PIEZO2: variants seen among roughly 807,000 people sequenced by gnomAD.
PIEZO2 encodes the protein piezo type mechanosensitive ion channel component 2.
PIEZO2 carries 172 observed loss-of-function variants against 337.3 expected under a neutral mutation model. That is an observed-to-expected ratio of 0.51 (90% CI 0.45 to 0.58). The LOEUF (loss-of-function observed/expected upper bound fraction) is 0.58. Among genes scored for constraint, PIEZO2 ranks in the 20% least tolerant of loss-of-function variants. The pLI, the probability that PIEZO2 is intolerant of heterozygous loss-of-function variation, is 0.00. For missense variants in PIEZO2, 3,028 were observed against 3,391.3 expected (o/e 0.89, Z 2.66); for synonymous variants, 1,251 against 1,228.5 (o/e 1.02, Z -0.38).
Position 11,125,498 on chromosome 18 carries a change from A to G in PIEZO2, c.64+23027T>C, listed in dbSNP as rs1024254236. On this transcript the variant is annotated intron_variant, in intron 1 of 55. Transcript: ENST00000674853. The surrounding 1 kb of genome is among the most constrained non-coding windows in gnomAD (Gnocchi z 4.4). Reference sequence around the variant, plus strand: ...GCTGACAAAACACGTGTTTAGTGCTAAGAGTCCAGCACACTTCATTACGTT... The same window carrying G: ...GCTGACAAAACACGTGTTTAGTGCTGAGAGTCCAGCACACTTCATTACGTT... Among the ~76,000 whole-genome samples, 5 of 152,204 alleles carry G rather than the reference A, an allele frequency of 3.3e-5. No individual in the cohort carries two copies. The highest frequency in any genetic ancestry group is 5.9e-5 in the Non-Finnish European group (4 of 68,036).
intron 7 of PIEZO2, among the ~76,000 whole-genome samples, chr18:10,839,751 C>T (rs2041133560): frequency 6.6e-6 from 1 of 150,818 alleles, no homozygotes. Flanking sequence ...AAAGATAAGC[C>T]TGTGAATTAT....
chr18:10,722,898 G>GA (rs1239899368), intron 36 of PIEZO2, among the ~76,000 whole-genome samples: 1 of 150,360 alleles, frequency 6.7e-6, no homozygotes, highest in South Asian at 2.1e-4. Flanking sequence ...GAGAACTGGA[G>GA]AACTAAGTTC....
At chr18:11,059,940 T>A (rs975310405) in intron 2 of PIEZO2, among the ~76,000 whole-genome samples, 2 of 152,114 alleles carry the variant, frequency 1.3e-5, no homozygotes, top group African/African-American at 4.8e-5. Flanking sequence ...CCACCCCAAA[T>A]CAACAGAATA....
intron 3 of PIEZO2, among the ~76,000 whole-genome samples, chr18:10,959,692 GT>G (rs371037404): frequency 7.6e-4 from 115 of 152,226 alleles, no homozygotes; most frequent in African/African-American, 2.6e-3. Flanking sequence ...GGAACAGTGA[GT>G]TGTCCAAGGG....
At chr18:10,983,867 T>C (rs564736833) in intron 2 of PIEZO2, among the ~76,000 whole-genome samples, 10 of 152,306 alleles carry the variant, frequency 6.6e-5, no homozygotes, top group African/African-American at 2.2e-4. Context: ...CAACGTTCAG[T>C]ACTTCAGGGC....
At chr18:10,986,599 A>T (rs1456008526) in intron 2 of PIEZO2, among the ~76,000 whole-genome samples, 4 of 152,008 alleles carry the variant, frequency 2.6e-5, no homozygotes, top group Non-Finnish European at 5.9e-5. Context: ...ACCATATATT[A>T]TAATACCACA....
At chr18:10,890,345 T>C (rs143997906) in intron 4 of PIEZO2, 57 of 152,322 alleles carry the variant, frequency 3.7e-4, no homozygotes, top group African/African-American at 1.3e-3. Flanking sequence ...CCATGAAATA[T>C]AGCATTTGCC....
intron 3 of PIEZO2, among the ~76,000 whole-genome samples, chr18:10,944,874 G>A (rs2032935326): frequency 6.6e-6 from 1 of 152,000 alleles, no homozygotes; most frequent in Admixed American, 6.6e-5. Context: ...AAAGACAGTG[G>A]TTCCTAAGGG....
intron 49 of PIEZO2, among the ~76,000 whole-genome samples, chr18:10,684,644 T>C (rs1310849852): frequency 6.6e-6 from 1 of 151,922 alleles, no homozygotes; most frequent in Admixed American, 6.6e-5. Flanking sequence ...TTTTATATTT[T>C]TAGTAGTGAC....
At chr18:10,735,700 A>G (rs2036968777) in intron 34 of PIEZO2, among the ~76,000 whole-genome samples, 1 of 152,166 alleles carries the variant, frequency 6.6e-6, no homozygotes, top group Non-Finnish European at 1.5e-5. Flanking sequence ...GCAATGGGGG[A>G]AGAAAGAAAG....
intron 3 of PIEZO2, among the ~76,000 whole-genome samples, chr18:10,916,349 TA>T (rs1242412625): frequency 4.6e-5 from 7 of 152,054 alleles, no homozygotes. Context: ...GCGGCGCCTG[TA>T]GGGGAGGCTC....
chr18:10,791,439 T>C, intron 13 of PIEZO2, 115 bp from the exon 14 acceptor site: 1 of 1,199,282 alleles, frequency 8.3e-7, no homozygotes, highest in Non-Finnish European at 1.1e-6. Flanking sequence ...ATAAACCTTT[T>C]TATTGGAGAC....
In PIEZO2 at chr18:10,991,990, G is replaced by C. The variant is rs150046136; in HGVS notation, c.161-12330C>G. ...TTTCTCTAATGTCCAGTGATGATGA[G>C]CTTTTTTTCATATGTTCATTAGATG... is the stretch of plus-strand genomic sequence containing the variant. On this transcript the variant is annotated intron_variant, in intron 2 of 55. Coordinates refer to ENST00000674853, the MANE Select transcript of PIEZO2 (RefSeq NM_001378183.1). Among the ~76,000 whole-genome samples the C allele has an allele frequency of 4.9e-3, 748 of 152,236 alleles. 6 individuals are homozygous for C. Among genetic ancestry groups the C allele is most frequent in the African/African-American group, 0.015 (641 of 41,544 alleles).
At chr18:11,015,926 C>T (rs1033626004) in intron 2 of PIEZO2, among the ~76,000 whole-genome samples, 5 of 152,138 alleles carry the variant, frequency 3.3e-5, no homozygotes, top group African/African-American at 1.2e-4. Context: ...ACTTTCTAAA[C>T]GTTTTTGTAA....
Position 10,705,384 on chromosome 18 carries a change from A to G in PIEZO2, c.5951T>C (p.Leu1984Ser). Residue 1984 changes from leucine to serine, a missense_variant, in exon 41 of 56, where the codon TTA (leucine) becomes TCA (serine). This residue lies in a region of PIEZO2 where 1,925 missense variants were observed against 2,051.9 expected (regional missense o/e 0.94). Transcript: ENST00000674853. Reference sequence around the variant, plus strand: ...CGTCAGCTCATGGGTCAGGGGAGGTAAGATGCTGGACCCCAGCTTGTCGGT... The same window carrying G: ...CGTCAGCTCATGGGTCAGGGGAGGTGAGATGCTGGACCCCAGCTTGTCGGT... ...SRTDKLGSSILPPLTHELTAS... is the reference protein window; with the variant it reads ...SRTDKLGSSISPPLTHELTAS... 1.3e-6 allele frequency: 2 copies of G among 1,537,202 alleles called. No individual in the cohort carries two copies. The highest frequency in any genetic ancestry group is 1.7e-6 in the Non-Finnish European group (2 of 1,146,882).
chr18:11,123,632 C>A (rs961686302), intron 1 of PIEZO2, among the ~76,000 whole-genome samples: 1 of 152,032 alleles, frequency 6.6e-6, no homozygotes, highest in Non-Finnish European at 1.5e-5. Flanking sequence ...CACGATGAAA[C>A]CCCATCTCTA....
intron 4 of PIEZO2, among the ~76,000 whole-genome samples, chr18:10,910,562 A>G (rs451983): frequency 0.93 from 141,219 of 151,934 alleles, 65,685 homozygotes; most frequent in East Asian, 1. Flanking sequence ...CAGCCTGGGT[A>G]ACAGAGTAAG....
At position 10,705,419 on chromosome 18, in the gene PIEZO2, G is replaced by A. The variant is rs529388684; in HGVS notation, c.5916C>T (p.Asp1972=). The A allele has an allele frequency of 6.8e-4, 1,039 of 1,537,236 alleles. 2 individuals carry two copies. The highest frequency in any genetic ancestry group is 1.8e-3 in the African/African-American group (131 of 73,166). Residue 1972 remains aspartate, a synonymous_variant, in exon 41 of 56, where the codon GAC becomes GAT. Transcript: ENST00000674853. ...AGKNRMAVSP[D]DSRTDKLGSS... ...ACCCCAGCTTGTCGGTGCGGCTGTC[G>A]TCCGGGCTGACTGCCATACGGTTCT...
chr18:10,806,601 C>G (rs2040010642), intron 8 of PIEZO2, among the ~76,000 whole-genome samples: 1 of 151,996 alleles, frequency 6.6e-6, no homozygotes, highest in South Asian at 2.1e-4. Context: ...GCTAAGAGCG[C>G]TGGAGGAGAT....
Sources: gnomAD v4.1 joint callset for allele counts (sites outside exome capture counted in the v4.1 genomes callset) on GRCh38, gnomAD v4.1.1 for gene constraint, gnomAD v4.1.1 regional missense constraint, Gnocchi (gnomAD v3.1) non-coding constraint, MANE v1.5 for transcripts, NCBI Gene and HGNC (gene_info 2026-07-23, HGNC 2026-07-21) for gene names.